ABHD5: variants seen among roughly 807,000 people sequenced by gnomAD.
ABHD5 encodes the protein abhydrolase domain containing 5, lysophosphatidic acid acyltransferase.
ABHD5 carries 30 observed loss-of-function variants against 44.9 expected under a neutral mutation model. The ratio of observed to expected loss-of-function variants is 0.67; its 90% CI spans 0.50 to 0.91. The LOEUF is 0.91. Among genes scored for constraint, ABHD5 ranks in the 40% least tolerant of loss-of-function variants. ABHD5 has a pLI of 0.00. For missense variants in ABHD5, 399 were observed against 423.4 expected (o/e 0.94, Z 0.50); for synonymous variants, 167 against 147.0 (o/e 1.14, Z -0.99).
chr3:43,702,324 C>A lies in ABHD5; in HGVS notation c.243C>A (p.Leu81=). The part of the protein sequence containing the change: ...NISNKTPLVL[L]HGFGGGLGLW... ...CAAATAAGACTCCACTTGTCCTTCTCCATGGTTTTGGAGGAGGTCTTGGGC... is the reference window on the plus strand; with the variant it reads ...CAAATAAGACTCCACTTGTCCTTCTACATGGTTTTGGAGGAGGTCTTGGGC... Residue 81 remains leucine, a synonymous_variant, in exon 3 of 7, where the codon CTC becomes CTA. Transcript: ENST00000644371. 1 of 1,611,572 alleles carries A rather than the reference C, an allele frequency of 6.2e-7. No individual in the cohort carries two copies. Among genetic ancestry groups the A allele is most frequent in the South Asian group, 1.1e-5 (1 of 91,036 alleles).
chr3:43,730,024 C>T (rs1329455327), intron 7 of ABHD5, among the ~76,000 whole-genome samples: 2 of 152,228 alleles, frequency 1.3e-5, no homozygotes, highest in South Asian at 2.1e-4. Context: ...AAATGAAATA[C>T]TTAGAAGCTG....
intron 1 of ABHD5, among the ~76,000 whole-genome samples, chr3:43,695,653 T>C (rs376606074): frequency 2.0e-5 from 3 of 152,232 alleles, no homozygotes; most frequent in East Asian, 3.8e-4. Context: ...GGTTTAGTAA[T>C]ACTGTAGATA....
chr3:43,719,633 A>G lies in ABHD5; in HGVS notation c.*1101A>G, dbSNP rs1280476865. 6.6e-6 allele frequency: 1 copy of G among 152,210 alleles called. No individual in the cohort carries two copies. Among genetic ancestry groups the G allele is most frequent in the African/African-American group, 2.4e-5 (1 of 41,464 alleles). The allele number at this position is 152,210 out of a possible 1,614,324, so 9.4% of individuals were successfully genotyped here. On this transcript the variant is annotated 3_prime_UTR_variant, in exon 7 of 7. Transcript: ENST00000644371. Reference sequence around the variant, plus strand: ...GAAGTTATATTACAAAAATTCTAGAAGGTTGATTGAACTATTTTTTTAGGA... The same window carrying G: ...GAAGTTATATTACAAAAATTCTAGAGGGTTGATTGAACTATTTTTTTAGGA...
chr3:43,721,503 G>A lies in ABHD5; in HGVS notation c.*2971G>A, dbSNP rs1403720057. On this transcript the variant is annotated 3_prime_UTR_variant, in exon 7 of 7. Transcript: ENST00000644371. ...GCATTTTGGGAGGCTGAGGCAGAAG[G>A]ACTGCTTGAGACCAGGAATTCAAAA... 5 of 150,502 alleles carry A rather than the reference G, an allele frequency of 3.3e-5. No homozygotes were observed. The East Asian group carries it at 9.7e-4, about 29-fold the overall frequency. 9.3% of individuals were successfully genotyped at this position (150,502 alleles called of 1,614,324 possible).
chr3:43,723,659 G>A (rs1430731210), downstream of ABHD5, among the ~76,000 whole-genome samples: 1 of 152,126 alleles, frequency 6.6e-6, no homozygotes, highest in Non-Finnish European at 1.5e-5. Context: ...AAACACACAG[G>A]AGATTGAAAA....
intron 1 of ABHD5, among the ~76,000 whole-genome samples, chr3:43,698,182 C>T (rs1190927190): frequency 6.6e-6 from 1 of 152,164 alleles, no homozygotes; most frequent in Admixed American, 6.5e-5. Flanking sequence ...ATAGTGGTAA[C>T]CTAAGAGAGA....
chr3:43,699,114 T>TA (rs1471195055), intron 1 of ABHD5, among the ~76,000 whole-genome samples, 162 bp from the exon 2 acceptor site: 2 of 152,246 alleles, frequency 1.3e-5, no homozygotes, highest in African/African-American at 2.4e-5. Flanking sequence ...TCCCAGTACT[T>TA]ACCACCATGC....
At chr3:43,727,034 G>A (rs931918353), downstream of ABHD5, among the ~76,000 whole-genome samples, 2 of 152,140 alleles carry the variant, frequency 1.3e-5, no homozygotes, top group East Asian at 3.9e-4. Context: ...ATTATATCCA[G>A]ATTTTGGGGC....
In ABHD5 at chr3:43,702,576, G is replaced by C; in HGVS notation, c.495G>C (p.Lys165Asn). Reference sequence around the variant, plus strand: ...TCTTGGCTGCTGCTTACTCGCTGAAGTACCCATCAAGGTAAGTGGTGGTGA... The same window carrying C: ...TCTTGGCTGCTGCTTACTCGCTGAACTACCCATCAAGGTAAGTGGTGGTGA... ...GGFLAAAYSL[K>N]YPSRVNHLIL... Residue 165 changes from lysine to asparagine, a missense_variant, in exon 3 of 7, where the codon AAG becomes AAC. Coordinates refer to ENST00000644371, the MANE Select transcript of ABHD5 (RefSeq NM_016006.6). The C allele has an allele frequency of 6.2e-7, 1 of 1,614,200 alleles. No individual in the cohort carries two copies. The highest frequency in any genetic ancestry group is 1.1e-5 in the South Asian group (1 of 91,092).
At chr3:43,732,005 A>G (rs1697241623) in intron 7 of ABHD5, among the ~76,000 whole-genome samples, 1 of 152,210 alleles carries the variant, frequency 6.6e-6, no homozygotes, top group South Asian at 2.1e-4. Flanking sequence ...GTCTTCTGGA[A>G]AAAAGAAAGC....
Position 43,690,958 on chromosome 3 carries a change from T to A in ABHD5, c.-35T>A. ...GGCCCAGTCGGCCTGTCAGCCGGCT[T>A]CGAGATAAGTCCCGGCGCTTGCGCG... On this transcript the variant is annotated 5_prime_UTR_variant, in exon 1 of 7. Coordinates refer to ENST00000644371, the MANE Select transcript of ABHD5 (RefSeq NM_016006.6). 6.4e-7 allele frequency: 1 copy of A among 1,554,594 alleles called. No homozygotes were observed. The highest frequency in any genetic ancestry group is 8.7e-7 in the Non-Finnish European group (1 of 1,155,166).
downstream of ABHD5, among the ~76,000 whole-genome samples, chr3:43,723,711 G>T (rs2149610231): frequency 6.6e-6 from 1 of 152,236 alleles, no homozygotes; most frequent in East Asian, 1.9e-4. Context: ...AAATTCCATA[G>T]GACAGAAATT....
intron 7 of ABHD5, among the ~76,000 whole-genome samples, chr3:43,732,263 T>TCTA (rs1165975621): frequency 2.6e-5 from 4 of 151,994 alleles, no homozygotes; most frequent in African/African-American, 9.7e-5. Context: ...AAACCTTGTC[T>TCTA]CTACTAAAAA....
At chr3:43,708,872 A>G (rs1285897131) in intron 3 of ABHD5, among the ~76,000 whole-genome samples, 1 of 152,236 alleles carries the variant, frequency 6.6e-6, no homozygotes, top group Non-Finnish European at 1.5e-5. Flanking sequence ...ACCCATGCAC[A>G]TATACATTAA....
intron 7 of ABHD5, among the ~76,000 whole-genome samples, chr3:43,732,477 A>G (rs1354745766): frequency 6.6e-6 from 1 of 152,168 alleles, no homozygotes; most frequent in Non-Finnish European, 1.5e-5. Context: ...GTGTACTTAA[A>G]AATCATACAC....
At chr3:43,725,998 T>G (rs2084875403), downstream of ABHD5, among the ~76,000 whole-genome samples, 1 of 152,076 alleles carries the variant, frequency 6.6e-6, no homozygotes, top group Admixed American at 6.6e-5. Context: ...CCCAAGTAGC[T>G]GGGACTATAG....
At chr3:43,695,524 A>G (rs2084463105) in intron 1 of ABHD5, among the ~76,000 whole-genome samples, 1 of 152,216 alleles carries the variant, frequency 6.6e-6, no homozygotes, top group Non-Finnish European at 1.5e-5. Context: ...CTTATAACCT[A>G]ATTAGAAATA....
chr3:43,699,220 G>C, intron 1 of ABHD5, 56 bp from the exon 2 acceptor site: 6 of 1,406,240 alleles, frequency 4.3e-6, no homozygotes, highest in Non-Finnish European at 6.1e-6. Flanking sequence ...TGTGACAATT[G>C]GTAGTTGAGA....
At chr3:43,728,427 G>T (rs2084892204) in intron 7 of ABHD5, among the ~76,000 whole-genome samples, 1 of 152,204 alleles carries the variant, frequency 6.6e-6, no homozygotes, top group Admixed American at 6.5e-5. Context: ...CTTCTACATT[G>T]CTGATGAAAA....
Sources: allele counts gnomAD v4.1 joint callset (sites outside exome capture counted in the v4.1 genomes callset), GRCh38; gene constraint gnomAD v4.1.1; transcripts MANE v1.5; gene names NCBI Gene and HGNC (gene_info 2026-07-23, HGNC 2026-07-21).